Variants in SYT1 observed in about 807,000 individuals in gnomAD.
SYT1 encodes synaptotagmin-1.
Under a neutral mutation model 44.8 loss-of-function variants are expected in SYT1, and 8 were observed. That is an observed-to-expected ratio of 0.18 (90% CI 0.10 to 0.32). SYT1 has a LOEUF of 0.32. Ranked by LOEUF, SYT1 falls within the 10% of genes least tolerant of loss-of-function variation. The pLI is 1.00. For missense variants in SYT1, 286 were observed against 509.3 expected (o/e 0.56, Z 4.22); for synonymous variants, 154 against 188.8 (o/e 0.82, Z 1.51).
intron 3 of SYT1, among the ~76,000 whole-genome samples, chr12:79,202,533 A>G (rs1873849409): frequency 6.6e-6 from 1 of 152,198 alleles, no homozygotes; most frequent in Non-Finnish European, 1.5e-5. Flanking sequence ...GAAGAAAGAG[A>G]AGGAGTCAGG....
intron 3 of SYT1, among the ~76,000 whole-genome samples, chr12:79,142,582 T>A (rs1436961931): frequency 6.6e-6 from 1 of 152,172 alleles, no homozygotes; most frequent in Non-Finnish European, 1.5e-5. Flanking sequence ...ACTAAAATGA[T>A]GGAATGGAAT....
At chr12:79,416,241 C>T (rs990575066) in intron 9 of SYT1, among the ~76,000 whole-genome samples, 3 of 152,120 alleles carry the variant, frequency 2.0e-5, no homozygotes, top group Non-Finnish European at 2.9e-5. Flanking sequence ...GAATAAGAAA[C>T]GGTGTCACAG....
At chr12:79,051,552 G>C (rs2137792476) in intron 3 of SYT1, among the ~76,000 whole-genome samples, 1 of 151,384 alleles carries the variant, frequency 6.6e-6, no homozygotes, top group South Asian at 2.1e-4. Context: ...AAAATGTGAG[G>C]ACATTCAAGA....
At chr12:79,134,133 CCTTTA>C (rs1174103371) in intron 3 of SYT1, among the ~76,000 whole-genome samples, 2 of 152,102 alleles carry the variant, frequency 1.3e-5, no homozygotes, top group East Asian at 1.9e-4. Context: ...ACCAAATCTG[CCTTTA>C]CTTTAAGTGT....
At chr12:78,976,392 T>C (rs1014434097) in intron 1 of SYT1, among the ~76,000 whole-genome samples, 2 of 152,196 alleles carry the variant, frequency 1.3e-5, no homozygotes, top group African/African-American at 4.8e-5. Flanking sequence ...AATAAAACTC[T>C]CTTGTGAAGA....
In SYT1 at chr12:79,300,789, T is replaced by TTATATATATATATATATATA. The variant is rs56934430; in HGVS notation, c.810+1254_810+1273dup. Among the ~76,000 whole-genome samples the TTATATATATATATATATATA allele has an allele frequency of 3.0e-4, 27 of 89,596 alleles. 1 individual carries two copies. The highest frequency in any genetic ancestry group is 4.4e-4 in the Non-Finnish European group (20 of 45,444). The allele number at this position is 89,596 out of a possible 152,430, so 58.8% of individuals were successfully genotyped here. ...TGTATATAATATTCATGTATACTTA[T>TTATATATATATATATATATA]TATATATATATATATATATATATAT... On this transcript the variant is annotated intron_variant, in intron 8 of 10. Coordinates refer to ENST00000261205, the MANE Select transcript of SYT1 (RefSeq NM_005639.3).
At chr12:79,163,182 T>TA (rs1871051970) in intron 3 of SYT1, among the ~76,000 whole-genome samples, 1 of 152,076 alleles carries the variant, frequency 6.6e-6, no homozygotes. Context: ...TTTCAGTAAT[T>TA]TCATCTATTT....
At chr12:79,063,735 A>G (rs1875554868) in intron 3 of SYT1, among the ~76,000 whole-genome samples, 1 of 152,206 alleles carries the variant, frequency 6.6e-6, no homozygotes, top group Admixed American at 6.6e-5. Context: ...ATAAGTAAAA[A>G]AGTTGTTGGA....
At chr12:78,939,707 T>G (rs1878248396) in intron 1 of SYT1, among the ~76,000 whole-genome samples, 1 of 152,212 alleles carries the variant, frequency 6.6e-6, no homozygotes, top group Non-Finnish European at 1.5e-5. Flanking sequence ...ATTGCAAATG[T>G]GGCTTGGTAA....
Position 79,449,536 on chromosome 12 carries a change from C to T in SYT1, c.*412C>T, listed in dbSNP as rs141780478. 127 of 171,516 alleles carry T rather than the reference C, an allele frequency of 7.4e-4. No homozygotes were observed. The highest frequency in any genetic ancestry group is 1.4e-3 in the Non-Finnish European group (114 of 79,648). 10.6% of individuals were successfully genotyped at this position (171,516 alleles called of 1,614,324 possible). A position where few individuals can be genotyped will look rare whatever the true frequency, so the allele number is the denominator to read the frequency against. ...GTAAATTGACTGAGATATAGGAGAG[C>T]TGATAATATATTATACGGTAAATAT... On this transcript the variant is annotated 3_prime_UTR_variant, in exon 11 of 11. Transcript: ENST00000261205.
chr12:79,012,247 G>A (rs772011366), intron 2 of SYT1, among the ~76,000 whole-genome samples: 28 of 151,964 alleles, frequency 1.8e-4, no homozygotes, highest in Non-Finnish European at 3.7e-4. Context: ...CTCTATTTTT[G>A]GGAATCAGCA....
At chr12:78,887,193 C>T (rs904610263) in intron 1 of SYT1, among the ~76,000 whole-genome samples, 1 of 151,936 alleles carries the variant, frequency 6.6e-6, no homozygotes, top group Non-Finnish European at 1.5e-5. Context: ...TCACGCCATC[C>T]TACTCCATCC....
intron 2 of SYT1, among the ~76,000 whole-genome samples, chr12:79,028,154 C>T (rs755716614): frequency 1.3e-5 from 2 of 151,360 alleles, no homozygotes; most frequent in Non-Finnish European, 3.0e-5. Flanking sequence ...TGAATGTGTT[C>T]AAAAACCAGA....
chr12:79,323,662 A>T (rs1006003268), intron 8 of SYT1, among the ~76,000 whole-genome samples: 2 of 152,156 alleles, frequency 1.3e-5, no homozygotes, highest in Non-Finnish European at 2.9e-5. Flanking sequence ...ATGCTGTAAC[A>T]TAATTTTACA....
intron 10 of SYT1, among the ~76,000 whole-genome samples, chr12:79,446,185 AAC>A (rs1870727876): frequency 6.6e-6 from 1 of 151,494 alleles, no homozygotes; most frequent in South Asian, 2.1e-4. Flanking sequence ...TAAGAATGAT[AAC>A]AGTCCTTGTC....
At chr12:79,333,349 G>A (rs1881944338) in intron 8 of SYT1, among the ~76,000 whole-genome samples, 1 of 152,050 alleles carries the variant, frequency 6.6e-6, no homozygotes, top group Admixed American at 6.6e-5. Flanking sequence ...TCCCATTCAG[G>A]AAGACTCAGC....
At chr12:78,867,192 A>T (rs1873591281) in intron 1 of SYT1, among the ~76,000 whole-genome samples, 1 of 152,134 alleles carries the variant, frequency 6.6e-6, no homozygotes, top group South Asian at 2.1e-4. Context: ...ACAAGTTTAG[A>T]CATGAAAAGA....
intron 3 of SYT1, among the ~76,000 whole-genome samples, chr12:79,075,169 A>T (rs563316815): frequency 6.6e-6 from 1 of 152,240 alleles, no homozygotes; most frequent in Non-Finnish European, 1.5e-5. Flanking sequence ...CAAAAGAGAT[A>T]CTAGGAGTTC....
At position 79,201,889 on chromosome 12, in the gene SYT1, T is replaced by G. The variant is rs574407252; in HGVS notation, c.-17-15614T>G. On this transcript the variant is annotated intron_variant, in intron 3 of 10. Transcript: ENST00000261205. ...CACTCAGTATAAGCACTTTAGATCA[T>G]GTTTTAGTTTTCTTTTAATGTCATA... Among the ~76,000 whole-genome samples, 425 of 152,308 alleles carry G rather than the reference T, an allele frequency of 2.8e-3. 2 individuals carry two copies. Among genetic ancestry groups the G allele is most frequent in the Admixed American group, 4.6e-3 (70 of 15,296 alleles).
Sources: allele counts gnomAD v4.1 joint callset (sites outside exome capture counted in the v4.1 genomes callset), GRCh38; gene constraint gnomAD v4.1.1; transcripts MANE v1.5; gene names NCBI Gene and HGNC (gene_info 2026-07-23, HGNC 2026-07-21).